USH2A: variants seen among roughly 807,000 people sequenced by gnomAD.
USH2A encodes the protein Usher syndrome 2A (autosomal recessive, mild).
USH2A carries 443 observed loss-of-function variants against 538.9 expected under a neutral mutation model. The ratio of observed to expected loss-of-function variants is 0.82; its 90% confidence interval spans 0.76 to 0.89. The LOEUF (loss-of-function observed/expected upper bound fraction) is 0.89, where lower values mean the gene tolerates loss of function less well. Ranked by LOEUF, USH2A falls within the 40% of genes least tolerant of loss-of-function variation. The probability of loss-of-function intolerance (pLI) is 0.00; values close to 1 mark genes in which losing one functional copy is unlikely to be tolerated. For missense variants in USH2A, 6,633 were observed against 6,324.8 expected (o/e 1.05, Z -1.65); for synonymous variants, 2,413 against 2,273.5 (o/e 1.06, Z -1.75).
chr1:216,144,819 G>A (rs1469036696), intron 21 of USH2A, among the ~76,000 whole-genome samples: 1 of 151,822 alleles, frequency 6.6e-6, no homozygotes, highest in Non-Finnish European at 1.5e-5. Flanking sequence ...TTCCTCCTAG[G>A]GTCTGTCCCT....
intron 20 of USH2A, among the ~76,000 whole-genome samples, chr1:216,179,784 G>A (rs1288450517): frequency 6.6e-6 from 1 of 152,038 alleles, no homozygotes; most frequent in Non-Finnish European, 1.5e-5. Flanking sequence ...TTGGGGTAAT[G>A]ATGAATTATT....
chr1:216,416,466 AAG>A (rs1282252197), intron 3 of USH2A, among the ~76,000 whole-genome samples: 6 of 152,138 alleles, frequency 3.9e-5, no homozygotes, highest in East Asian at 1.9e-4. Context: ...AAATAAATAA[AAG>A]AGTGTACAAA....
chr1:216,289,091 C>A (rs1036932682), intron 11 of USH2A, among the ~76,000 whole-genome samples, 189 bp downstream of exon 11: 32 of 152,222 alleles, frequency 2.1e-4, no homozygotes, highest in African/African-American at 7.5e-4. Context: ...ATGCAAAGGA[C>A]CACCGAACTA....
intron 15 of USH2A, among the ~76,000 whole-genome samples, chr1:216,214,102 T>C (rs1161885301): frequency 6.6e-6 from 1 of 152,036 alleles, no homozygotes; most frequent in Non-Finnish European, 1.5e-5. Context: ...CTAATGTAAA[T>C]GTAAAATAAT....
At chr1:216,218,207 A>G (rs2102497522) in intron 14 of USH2A, among the ~76,000 whole-genome samples, 1 of 152,288 alleles carries the variant, frequency 6.6e-6, no homozygotes, top group African/African-American at 2.4e-5. Flanking sequence ...GATGCTAATG[A>G]CATAAATATA....
At chr1:216,232,258 T>C (rs575321475) in intron 13 of USH2A, 122 bp from the exon 14 acceptor site, 3 of 1,128,408 alleles carry the variant, frequency 2.7e-6, no homozygotes, top group South Asian at 3.3e-5. Context: ...CCAATACAAA[T>C]GTGGTTATAT....
chr1:215,965,510 G>T, intron 36 of USH2A, 31 bp from the exon 37 acceptor site: 1 of 1,611,088 alleles, frequency 6.2e-7, no homozygotes, highest in Non-Finnish European at 8.5e-7. Context: ...ATTTTTGTTT[G>T]CAAATAAAAT....
intron 62 of USH2A, among the ~76,000 whole-genome samples, chr1:215,678,063 T>G (rs190938996): frequency 6.6e-4 from 100 of 152,324 alleles, no homozygotes; most frequent in Non-Finnish European, 9.8e-4. Flanking sequence ...TCTGAATGTA[T>G]CTTCGATTCA....
chr1:215,846,851 C>T (rs893452572), intron 44 of USH2A, among the ~76,000 whole-genome samples: 1 of 152,126 alleles, frequency 6.6e-6, no homozygotes, highest in Admixed American at 6.5e-5. Context: ...CTAACTGATA[C>T]CTAGAAGGAT....
Position 215,654,695 on chromosome 1 carries a change from A to G in USH2A, c.14134-3894T>C, listed in dbSNP as rs76219977. On this transcript the variant is annotated intron_variant, in intron 64 of 71. Coordinates refer to ENST00000307340, the MANE Select transcript of USH2A (RefSeq NM_206933.4). ...CTACTTTTAATAAGCATAAAAACTAAAATTGTTTAGCCACAAATTCTGTAA... is the reference window on the plus strand; with the variant it reads ...CTACTTTTAATAAGCATAAAAACTAGAATTGTTTAGCCACAAATTCTGTAA... 5.9e-3 allele frequency among the ~76,000 whole-genome samples: 893 copies of G among 152,322 alleles called. 21 individuals are homozygous for G. The South Asian group carries it at 0.064, about 11-fold the overall frequency.
intron 30 of USH2A, among the ~76,000 whole-genome samples, chr1:216,065,090 A>G (rs952205186): frequency 8.5e-5 from 13 of 152,160 alleles, no homozygotes; most frequent in Admixed American, 7.9e-4. Flanking sequence ...ATAAATAACA[A>G]TTGCTCAACA....
At chr1:215,738,453 G>C (rs1393584960) in intron 60 of USH2A, among the ~76,000 whole-genome samples, 1 of 151,972 alleles carries the variant, frequency 6.6e-6, no homozygotes, top group East Asian at 1.9e-4. Context: ...GTTCTTACTA[G>C]GTTATTTTGT....
At chr1:215,758,316 A>T (rs1342232318) in intron 58 of USH2A, among the ~76,000 whole-genome samples, 1 of 151,822 alleles carries the variant, frequency 6.6e-6, no homozygotes, top group Admixed American at 6.6e-5. Flanking sequence ...ATGAGTAAAA[A>T]GATTTTTAGT....
rs202113696 is a variant in USH2A, at chr1:216,007,349, G to GA, written c.6326-6788dup. 1.6e-3 allele frequency among the ~76,000 whole-genome samples: 233 copies of GA among 148,732 alleles called. 1 individual carries two copies. Among genetic ancestry groups the GA allele is most frequent in the African/African-American group, 2.5e-3 (100 of 40,344 alleles). ...ACAGAATGTGACTGGTCAGGAGGCA[G>GA]AAAAAAAAACAAAAAAATCTTCTGG... On this transcript the variant is annotated intron_variant, in intron 32 of 71. Coordinates refer to ENST00000307340, the MANE Select transcript of USH2A (RefSeq NM_206933.4).
chr1:215,631,439 G>A (rs1656281065), intron 70 of USH2A, among the ~76,000 whole-genome samples: 1 of 152,170 alleles, frequency 6.6e-6, no homozygotes. Flanking sequence ...AATACAAATT[G>A]TACTCTCTTT....
chr1:216,071,757 A>G (rs1218365365), intron 29 of USH2A, among the ~76,000 whole-genome samples: 2 of 152,220 alleles, frequency 1.3e-5, no homozygotes, highest in African/African-American at 4.8e-5. Flanking sequence ...TTAATAAAGT[A>G]GAAGAGTGTG....
rs183940925 is a variant in USH2A at position 216,285,701 on chromosome 1, C to A, written c.1971+3579G>T. ...ACTCAATGCCAGCCTGTGAAAGGAG[C>A]CAGAAGGAGGGCTGTACCCAGCAAA... On this transcript the variant is annotated intron_variant, in intron 11 of 71. Coordinates refer to ENST00000307340, the MANE Select transcript of USH2A (RefSeq NM_206933.4). Among the ~76,000 whole-genome samples the A allele has an allele frequency of 6.7e-4, 102 of 152,308 alleles. 2 individuals carry two copies. Among genetic ancestry groups the A allele is most frequent in the African/African-American group, 2.4e-3 (100 of 41,582 alleles).
intron 61 of USH2A, among the ~76,000 whole-genome samples, chr1:215,723,519 C>T (rs982845624): frequency 6.6e-5 from 10 of 152,174 alleles, no homozygotes; most frequent in Non-Finnish European, 1.5e-4. Flanking sequence ...TTATTGATGG[C>T]CCCTTGGGCA....
In USH2A at chr1:215,769,716, G is replaced by C. The variant is rs569382135; in HGVS notation, c.10940-2928C>G. On this transcript the variant is annotated intron_variant, in intron 55 of 71. Transcript: ENST00000307340. ...TTCTCTTGAAGCTACTGGGGTACTA[G>C]AATCAAGGAGGAATGGCAGACTCAG... 2.6e-5 allele frequency among the ~76,000 whole-genome samples: 4 copies of C among 152,250 alleles called. No individual in the cohort carries two copies. The East Asian group carries it at 5.8e-4, about 22-fold the overall frequency.
Sources: allele counts gnomAD v4.1 joint callset (sites outside exome capture counted in the v4.1 genomes callset), GRCh38; gene constraint gnomAD v4.1.1; transcripts MANE v1.5; gene names NCBI Gene and HGNC (gene_info 2026-07-23, HGNC 2026-07-21).